CSMD1: variants seen among roughly 807,000 people sequenced by gnomAD.
CSMD1 encodes CUB and Sushi multiple domains 1.
Under a neutral mutation model 417.5 loss-of-function variants are expected in CSMD1, and 213 were observed. That is an observed-to-expected ratio of 0.51 (90% confidence interval 0.46 to 0.57). The LOEUF (loss-of-function observed/expected upper bound fraction) is 0.57. CSMD1 is among the 20% of genes least tolerant of loss of function. The pLI is 0.00. For missense variants in CSMD1, 6,923 were observed against 4,529.7 expected, an observed-to-expected ratio of 1.53 and a Z score of -15.17; for synonymous variants, 2,862 against 1,736.8, an observed-to-expected ratio of 1.65 and a Z score of -16.11.
intron 5 of CSMD1, among the ~76,000 whole-genome samples, chr8:3,876,218 C>T (rs1805805964): frequency 6.6e-6 from 1 of 152,052 alleles, no homozygotes; most frequent in South Asian, 2.1e-4. Context: ...CTCCTCTCAC[C>T]CCTGATATCG....
chr8:3,654,302 T>C (rs1362128795), intron 7 of CSMD1, among the ~76,000 whole-genome samples: 3 of 152,214 alleles, frequency 2.0e-5, no homozygotes, highest in African/African-American at 4.8e-5. Context: ...AATACAAAGA[T>C]TTATAAAATT....
chr8:3,431,136 C>G (rs921435344), intron 12 of CSMD1, among the ~76,000 whole-genome samples: 1 of 152,128 alleles, frequency 6.6e-6, no homozygotes, highest in Non-Finnish European at 1.5e-5. Flanking sequence ...GGTTAAAACA[C>G]CAACAGAGCT....
Position 4,321,615 on chromosome 8 carries a change from T to G in CSMD1, c.415+98338A>C, listed in dbSNP as rs73504679. On this transcript the variant is annotated intron_variant, in intron 3 of 69. Transcript: ENST00000635120. The stretch of plus-strand genomic sequence containing the variant: ...ATAACAGGCACCAAATACCTTTTCC[T>G]CCCCTTTCTGCTCTACCTCTGCAAA... Among the ~76,000 whole-genome samples the G allele has an allele frequency of 1.1e-3, 169 of 152,190 alleles. 1 individual carries two copies. Among genetic ancestry groups the G allele is most frequent in the African/African-American group, 3.9e-3 (162 of 41,532 alleles).
chr8:4,088,504 T>G (rs947286180), intron 3 of CSMD1, among the ~76,000 whole-genome samples: 2 of 152,216 alleles, frequency 1.3e-5, no homozygotes, highest in South Asian at 4.1e-4. Flanking sequence ...TTCTTCTTTG[T>G]TTTCAACCCA....
At chr8:4,184,999 C>A (rs1208154136) in intron 3 of CSMD1, among the ~76,000 whole-genome samples, 2 of 151,604 alleles carry the variant, frequency 1.3e-5, no homozygotes, top group African/African-American at 2.4e-5. Flanking sequence ...ATTAGCTGGG[C>A]CTGGTGGTGG....
At chr8:3,105,742 G>A (rs561329469) in intron 46 of CSMD1, among the ~76,000 whole-genome samples, 14 of 152,286 alleles carry the variant, frequency 9.2e-5, no homozygotes, top group African/African-American at 3.4e-4. Context: ...GCATGCTGAG[G>A]TATTTATAGC....
intron 2 of CSMD1, among the ~76,000 whole-genome samples, chr8:4,633,431 A>G (rs1166924206): frequency 6.6e-6 from 1 of 150,922 alleles, no homozygotes; most frequent in Admixed American, 6.6e-5. Flanking sequence ...TTGTATTTTT[A>G]GTAGAGATGG....
At chr8:4,412,366 C>G (rs10093806) in intron 3 of CSMD1, among the ~76,000 whole-genome samples, 27,971 of 152,060 alleles carry the variant, frequency 0.18, 3,183 homozygotes, top group Non-Finnish European at 0.24. Context: ...ACCTCTCACT[C>G]CTCCCCTTGC....
intron 49 of CSMD1, among the ~76,000 whole-genome samples, chr8:3,068,376 C>G (rs966289733): frequency 1.3e-5 from 2 of 152,286 alleles, no homozygotes; most frequent in East Asian, 3.9e-4. Flanking sequence ...CTCCAAGACT[C>G]AGGACTTCTA....
intron 3 of CSMD1, among the ~76,000 whole-genome samples, chr8:4,084,304 G>C (rs1228492758): frequency 6.9e-6 from 1 of 145,242 alleles, no homozygotes; most frequent in Non-Finnish European, 1.5e-5. Context: ...TATGAAAAAA[G>C]TGACAAAAAA....
intron 12 of CSMD1, among the ~76,000 whole-genome samples, chr8:3,462,468 C>T (rs890518156): frequency 3.3e-5 from 5 of 152,126 alleles, no homozygotes; most frequent in Admixed American, 2.0e-4. Context: ...TTACATTCTC[C>T]TAGGAGTGTG....
chr8:3,066,637 C>T (rs1367385680), intron 49 of CSMD1, among the ~76,000 whole-genome samples: 3 of 152,146 alleles, frequency 2.0e-5, no homozygotes, highest in Admixed American at 6.5e-5. Context: ...ACAATAATCA[C>T]CTGTTTTAAA....
rs149753978 is a variant in CSMD1, at chr8:4,275,897, G to A, written c.415+144056C>T. 2.5e-4 allele frequency among the ~76,000 whole-genome samples: 38 copies of A among 152,272 alleles called. 1 individual carries two copies. The East Asian group carries it at 6.2e-3, about 25-fold the overall frequency. ...AATTGGATGAACAATAAATTAACTT[G>A]CACAAAAACAGGATTGTTTAAATGA... On this transcript the variant is annotated intron_variant, in intron 3 of 69. Transcript: ENST00000635120.
At chr8:4,073,495 C>T (rs761628962) in intron 3 of CSMD1, among the ~76,000 whole-genome samples, 3 of 152,036 alleles carry the variant, frequency 2.0e-5, no homozygotes, top group Admixed American at 6.6e-5. Flanking sequence ...TGTCCTCATC[C>T]AATATTCTTT....
intron 5 of CSMD1, among the ~76,000 whole-genome samples, chr8:3,953,348 C>T (rs919071716): frequency 3.9e-5 from 6 of 152,088 alleles, no homozygotes; most frequent in Non-Finnish European, 5.9e-5. Flanking sequence ...TATGTATAAA[C>T]ATTACATGCC....
intron 6 of CSMD1, among the ~76,000 whole-genome samples, chr8:3,747,038 T>C (rs1252399752): frequency 6.6e-6 from 1 of 152,190 alleles, no homozygotes; most frequent in African/African-American, 2.4e-5. Context: ...AATAACTCAC[T>C]ATCCACCACC....
chr8:3,369,644 G>T (rs975627183), intron 18 of CSMD1, among the ~76,000 whole-genome samples: 1 of 152,172 alleles, frequency 6.6e-6, no homozygotes, highest in East Asian at 1.9e-4. Flanking sequence ...CCTCAGAATT[G>T]CAGACATGGT....
intron 12 of CSMD1, among the ~76,000 whole-genome samples, chr8:3,419,400 T>C (rs1383384110): frequency 3.9e-5 from 6 of 152,150 alleles, no homozygotes; most frequent in East Asian, 1.9e-4. Flanking sequence ...ATGAACAAAA[T>C]AGGAATAAAA....
At chr8:4,492,738 A>G (rs2130226045) in intron 2 of CSMD1, among the ~76,000 whole-genome samples, 1 of 152,350 alleles carries the variant, frequency 6.6e-6, no homozygotes, top group South Asian at 2.1e-4. Context: ...CCATGGGCAC[A>G]GGTAACACCC....
Sources: gnomAD v4.1 joint callset for allele counts (sites outside exome capture counted in the v4.1 genomes callset) on GRCh38, gnomAD v4.1.1 for gene constraint, MANE v1.5 for transcripts, NCBI Gene and HGNC (gene_info 2026-07-23, HGNC 2026-07-21) for gene names.